DOK6: variants seen among roughly 807,000 people sequenced by gnomAD.
DOK6 encodes the protein docking protein 6.
Under a neutral mutation model 44.0 loss-of-function variants are expected in DOK6, and 22 were observed. The observed-to-expected ratio is 0.50, with a 90% CI of 0.36 to 0.71. DOK6 has a LOEUF of 0.71. Among genes scored for constraint, DOK6 ranks in the 30% least tolerant of loss-of-function variants. The pLI, the probability that DOK6 is intolerant of heterozygous loss-of-function variation, is 0.00. For synonymous variants in DOK6, 166 were observed against 145.5 expected, an observed-to-expected ratio of 1.14 and a Z score of -1.01; for missense variants, 340 against 416.4, an observed-to-expected ratio of 0.82 and a Z score of 1.60.
At chr18:69,836,531 G>T (rs1027557488) in intron 7 of DOK6, among the ~76,000 whole-genome samples, 7 of 152,006 alleles carry the variant, frequency 4.6e-5, no homozygotes, top group African/African-American at 1.4e-4. Context: ...AGATATATGG[G>T]TAGAAAATAG....
At chr18:69,837,378 C>A (rs921564367) in intron 7 of DOK6, among the ~76,000 whole-genome samples, 67 of 152,184 alleles carry the variant, frequency 4.4e-4, no homozygotes, top group African/African-American at 1.6e-3. Flanking sequence ...TAACCCACTT[C>A]GGTGGCAATG....
Position 69,539,467 on chromosome 18 carries a change from CTT to C in DOK6, c.67-25006_67-25005del, listed in dbSNP as rs71176979. On this transcript the variant is annotated intron_variant, in intron 1 of 7. Transcript: ENST00000382713. ...ATTTTTCTTTCTCATACAAAAACAG[CTT>C]TTTTTTTTTTTTTCCACATATAGTG... Among the ~76,000 whole-genome samples, 502 of 140,350 alleles carry C rather than the reference CTT, an allele frequency of 3.6e-3. 6 individuals are homozygous for C. Among genetic ancestry groups the C allele is most frequent in the African/African-American group, 0.012 (473 of 38,148 alleles). 92.1% of individuals were successfully genotyped at this position (140,350 alleles called of 152,430 possible).
At chr18:69,419,321 C>T (rs900542664) in intron 1 of DOK6, among the ~76,000 whole-genome samples, 11 of 152,078 alleles carry the variant, frequency 7.2e-5, no homozygotes, top group African/African-American at 2.7e-4. Context: ...GTCACAACTC[C>T]CTTTTAAATG....
chr18:69,436,664 G>A (rs1568257125), intron 1 of DOK6, among the ~76,000 whole-genome samples: 1 of 152,052 alleles, frequency 6.6e-6, no homozygotes, highest in Admixed American at 6.6e-5. Context: ...TAATCCCTCG[G>A]GTATATACCC....
chr18:69,649,540 C>T (rs1985168744), intron 3 of DOK6, among the ~76,000 whole-genome samples: 1 of 152,090 alleles, frequency 6.6e-6, no homozygotes, highest in Non-Finnish European at 1.5e-5. Flanking sequence ...TCCTAGAATT[C>T]ATATTACTAT....
chr18:69,649,957 C>T (rs1219251705), intron 3 of DOK6, among the ~76,000 whole-genome samples: 1 of 152,024 alleles, frequency 6.6e-6, no homozygotes, highest in Non-Finnish European at 1.5e-5. Context: ...TCCTAAAATA[C>T]ATCTCTTATG....
chr18:69,831,869 T>C (rs1981911216), intron 7 of DOK6, among the ~76,000 whole-genome samples: 1 of 152,218 alleles, frequency 6.6e-6, no homozygotes, highest in Non-Finnish European at 1.5e-5. Context: ...GCATAATTAA[T>C]ATATGGTATA....
intron 7 of DOK6, among the ~76,000 whole-genome samples, chr18:69,780,434 A>G (rs1346085968): frequency 6.6e-6 from 1 of 152,138 alleles, no homozygotes; most frequent in African/African-American, 2.4e-5. Flanking sequence ...TCTACTGAAA[A>G]TACAAAAATT....
chr18:69,740,870 A>G (rs1049773064), intron 6 of DOK6, among the ~76,000 whole-genome samples: 2 of 152,374 alleles, frequency 1.3e-5, no homozygotes, highest in Admixed American at 6.5e-5. Context: ...ATGGCTACAT[A>G]ATATCCTTCA....
intron 3 of DOK6, among the ~76,000 whole-genome samples, chr18:69,608,965 C>A (rs1393407358): frequency 1.2e-4 from 9 of 72,844 alleles, no homozygotes; most frequent in South Asian, 4.8e-4. Flanking sequence ...AAAAAAAAAA[C>A]TTTCACTTAA....
chr18:69,499,485 C>T (rs1315625667), intron 1 of DOK6, among the ~76,000 whole-genome samples: 2 of 152,136 alleles, frequency 1.3e-5, no homozygotes, highest in African/African-American at 4.8e-5. Flanking sequence ...TTAACTTCAA[C>T]AAAGGGCAGA....
At chr18:69,577,332 T>A (rs1465317772) in intron 2 of DOK6, among the ~76,000 whole-genome samples, 1 of 152,132 alleles carries the variant, frequency 6.6e-6, no homozygotes, top group Non-Finnish European at 1.5e-5. Flanking sequence ...ATGTGAAAGC[T>A]GTTAAAGGGC....
At chr18:69,601,230 A>T (rs1983863616) in intron 3 of DOK6, among the ~76,000 whole-genome samples, 1 of 152,212 alleles carries the variant, frequency 6.6e-6, no homozygotes, top group Non-Finnish European at 1.5e-5. Flanking sequence ...GCCCTCATAG[A>T]TCACAGAATA....
intron 7 of DOK6, among the ~76,000 whole-genome samples, chr18:69,784,056 A>C (rs1218409630): frequency 1.3e-5 from 2 of 152,110 alleles, no homozygotes; most frequent in East Asian, 1.9e-4. Flanking sequence ...GTGTGGCAGC[A>C]TGCACCTGTA....
In DOK6 at chr18:69,842,616, G is replaced by A. The variant is rs1982257070; in HGVS notation, c.*1233G>A. 1 of 152,130 alleles carries A rather than the reference G, an allele frequency of 6.6e-6. No individual in the cohort carries two copies. The highest frequency in any genetic ancestry group is 2.1e-4 in the South Asian group (1 of 4,826). 9.4% of individuals were successfully genotyped at this position (152,130 alleles called of 1,614,324 possible). On this transcript the variant is annotated 3_prime_UTR_variant, in exon 8 of 8. Transcript: ENST00000382713. ...TTCTTTTACTGGACACAGGTTGTCT[G>A]AGATTATAAGAAATAAAATAGATCA...
At chr18:69,459,697 T>C (rs1195021444) in intron 1 of DOK6, among the ~76,000 whole-genome samples, 3 of 152,228 alleles carry the variant, frequency 2.0e-5, no homozygotes, top group Non-Finnish European at 4.4e-5. Context: ...CTCAGAACTT[T>C]ACTATTTTTA....
intron 5 of DOK6, among the ~76,000 whole-genome samples, chr18:69,718,394 CAT>C (rs764981321): frequency 6.6e-6 from 1 of 152,228 alleles, no homozygotes; most frequent in Non-Finnish European, 1.5e-5. Flanking sequence ...ATGAGGGAAA[CAT>C]ACAGTTTCCA....
At chr18:69,743,827 A>AAC (rs1555667430) in intron 6 of DOK6, among the ~76,000 whole-genome samples, 11 of 151,060 alleles carry the variant, frequency 7.3e-5, no homozygotes, top group South Asian at 4.2e-4. Context: ...TATTAAAAAA[A>AAC]AAAAAAAAAC....
intron 1 of DOK6, among the ~76,000 whole-genome samples, chr18:69,407,806 C>T (rs991731483): frequency 1.3e-5 from 2 of 152,126 alleles, no homozygotes; most frequent in Admixed American, 6.5e-5. Flanking sequence ...TGCCATTTTC[C>T]TGAATTATTT....
Sources: allele counts gnomAD v4.1 joint callset (sites outside exome capture counted in the v4.1 genomes callset), GRCh38; gene constraint gnomAD v4.1.1; transcripts MANE v1.5; gene names NCBI Gene and HGNC (gene_info 2026-07-23, HGNC 2026-07-21).